PGS1: variants seen among roughly 807,000 people sequenced by gnomAD.
The protein encoded by PGS1 is phosphatidylglycerophosphate synthase 1.
In PGS1, 44 loss-of-function variants were observed where a neutral mutation model predicts 58.3. The observed-to-expected ratio is 0.75, with a 90% CI of 0.59 to 0.97. The LOEUF is 0.97. Among genes scored for constraint, PGS1 ranks in the 50% least tolerant of loss-of-function variants. The probability of loss-of-function intolerance (pLI) is 0.00; values close to 1 mark genes in which losing one functional copy is unlikely to be tolerated. For missense variants in PGS1, 684 were observed against 731.1 expected (o/e 0.94, Z 0.74); for synonymous variants, 330 against 311.0 (o/e 1.06, Z -0.64).
chr17:78,388,957 T>C (rs1038218058), intron 1 of PGS1, among the ~76,000 whole-genome samples: 5 of 151,036 alleles, frequency 3.3e-5, no homozygotes, highest in Admixed American at 2.6e-4. Context: ...GTATGTCATA[T>C]GTGCTTACAT....
intron 8 of PGS1, 23 bp from the exon 9 acceptor site, chr17:78,419,523 T>G (rs1263434863): frequency 1.1e-5 from 17 of 1,609,000 alleles, no homozygotes; most frequent in Non-Finnish European, 1.4e-5. Context: ...TCCTCACTAT[T>G]CCTGTCTGTT....
Position 78,424,053 on chromosome 17 carries a change from G to A in PGS1, c.*11-8G>A, listed in dbSNP as rs762524778. 1.2e-6 allele frequency: 2 copies of A among 1,614,064 alleles called. No individual in the cohort carries two copies. The highest frequency in any genetic ancestry group is 2.7e-5 in the African/African-American group (2 of 75,056). ...CATAGATGTTCTTGGTCTCCATGCGGTCCACAGGAATGGCCTTGATGAAGA... is the reference window on the plus strand; with the variant it reads ...CATAGATGTTCTTGGTCTCCATGCGATCCACAGGAATGGCCTTGATGAAGA... On this transcript the variant is annotated splice_region_variant and splice_polypyrimidine_tract_variant and intron_variant, in intron 9 of 9. Transcript: ENST00000262764.
chr17:78,379,174 T>A (rs1039823440), intron 1 of PGS1, among the ~76,000 whole-genome samples: 4 of 152,208 alleles, frequency 2.6e-5, no homozygotes, highest in African/African-American at 4.8e-5. Context: ...CTCCAGAGGC[T>A]GTTTATATCA....
At chr17:78,383,093 T>C (rs375776204) in intron 1 of PGS1, among the ~76,000 whole-genome samples, 1 of 152,334 alleles carries the variant, frequency 6.6e-6, no homozygotes, top group South Asian at 2.1e-4. Flanking sequence ...TTTTTAAGTT[T>C]TAGCTATACA....
chr17:78,414,699 C>A (rs763628769), intron 7 of PGS1, among the ~76,000 whole-genome samples, 180 bp from the exon 8 acceptor site: 4 of 152,052 alleles, frequency 2.6e-5, no homozygotes, highest in African/African-American at 4.8e-5. Context: ...TGCTTCCTGC[C>A]GCGCCGGGGT....
At chr17:78,386,226 C>T (rs1005602815) in intron 1 of PGS1, among the ~76,000 whole-genome samples, 2 of 152,124 alleles carry the variant, frequency 1.3e-5, no homozygotes, top group African/African-American at 4.8e-5. Context: ...GAGTGGCAGG[C>T]TGAGGATTGT....
chr17:78,419,499 G>A (rs1179707856), intron 8 of PGS1, 47 bp from the exon 9 acceptor site: 1 of 1,546,870 alleles, frequency 6.5e-7, no homozygotes, highest in Non-Finnish European at 8.9e-7. Context: ...ATGTGGTGTG[G>A]TGCTGGAGGG....
chr17:78,401,445 G>A (rs2083655088), intron 6 of PGS1, among the ~76,000 whole-genome samples: 1 of 152,230 alleles, frequency 6.6e-6, no homozygotes, highest in South Asian at 2.1e-4. Context: ...CTGCCCACTG[G>A]AACCAGGCAG....
intron 7 of PGS1, among the ~76,000 whole-genome samples, chr17:78,406,905 A>G (rs1432840501): frequency 6.6e-6 from 1 of 151,926 alleles, no homozygotes; most frequent in Non-Finnish European, 1.5e-5. Flanking sequence ...GTGGCTTCTG[A>G]CTCTGCCACG....
chr17:78,379,485 C>T (rs1435000874), intron 1 of PGS1, among the ~76,000 whole-genome samples: 1 of 152,026 alleles, frequency 6.6e-6, no homozygotes, highest in Non-Finnish European at 1.5e-5. Context: ...TAAACATTTG[C>T]CAAGAACATG....
intron 6 of PGS1, among the ~76,000 whole-genome samples, chr17:78,402,561 C>T (rs1403251838): frequency 6.6e-6 from 1 of 152,128 alleles, no homozygotes; most frequent in African/African-American, 2.4e-5. Context: ...GATTCTCCAG[C>T]CTCAGCTGCC....
At chr17:78,390,067 C>CCCCCCCCCCCCCCCCCCCGCCCCCCT (rs1883308583) in intron 1 of PGS1, among the ~76,000 whole-genome samples, 4 of 143,626 alleles carry the variant, frequency 2.8e-5, no homozygotes, top group South Asian at 2.3e-4. Flanking sequence ...CCTGTTCCCC[C>CCCCCCCCCCCCCCCCCCCGCCCCCCT]GCCCCCGACC....
Position 78,403,738 on chromosome 17 carries a change from A to G in PGS1, c.1051A>G (p.Ile351Val). ...TCGCAGACCAGCCCCTGACACCTGG[A>G]TTTATCCGCTGATTCAGATGAAGCC... is the stretch of plus-strand genomic sequence containing the variant. ...GDRRPAPDTW[I>V]YPLIQMKPFE... Residue 351 changes from isoleucine (I) to valine (V), a missense_variant, in exon 7 of 10, where the codon ATT (isoleucine) becomes GTT (valine). Physicochemically the swap from Ile to Val is conservative, Grantham distance 29. Coordinates refer to ENST00000262764, the MANE Select transcript of PGS1 (RefSeq NM_024419.5). The G allele has an allele frequency of 6.2e-7, 1 of 1,614,184 alleles. No homozygotes were observed. The highest frequency in any genetic ancestry group is 8.5e-7 in the Non-Finnish European group (1 of 1,180,032).
In PGS1 at chr17:78,414,384, C is replaced by T. The variant is rs528206510; in HGVS notation, c.1403-495C>T. Among the ~76,000 whole-genome samples the T allele has an allele frequency of 2.2e-4, 34 of 152,282 alleles. No individual in the cohort carries two copies. In the South Asian group the frequency reaches 6.2e-3, roughly 28 times the overall value. Reference sequence around the variant, plus strand: ...GAGGTGGCTGCTTCTGAGAAGCACGCGTGAGCTGATTCTCAGTGCTCACAG... The same window carrying T: ...GAGGTGGCTGCTTCTGAGAAGCACGTGTGAGCTGATTCTCAGTGCTCACAG... On this transcript the variant is annotated intron_variant, in intron 7 of 9. Transcript: ENST00000262764.
intron 4 of PGS1, 63 bp from the exon 5 acceptor site, chr17:78,399,285 C>T: frequency 7.4e-7 from 1 of 1,353,928 alleles, no homozygotes; most frequent in Non-Finnish European, 1.0e-6. Context: ...GAGGTGGCTC[C>T]TCATTGGGGG....
chr17:78,421,984 G>C (rs761764200), intron 9 of PGS1: 2 of 152,284 alleles, frequency 1.3e-5, no homozygotes, highest in African/African-American at 2.4e-5. Flanking sequence ...GTTCCCCGTC[G>C]CTGGAGTGCA....
At chr17:78,413,624 A>G in intron 7 of PGS1, among the ~76,000 whole-genome samples, 1 of 152,326 alleles carries the variant, frequency 6.6e-6, no homozygotes, top group South Asian at 2.1e-4. Context: ...GGCAGGAAGC[A>G]TTCTTGGTGC....
intron 1 of PGS1, among the ~76,000 whole-genome samples, chr17:78,386,976 T>TGATGATGATGATGATGTTGCAGTTA (rs1258754504): frequency 6.0e-5 from 7 of 116,258 alleles, no homozygotes; most frequent in African/African-American, 2.4e-4. Flanking sequence ...ATGATGATGA[T>TGATGATGATGATGATGTTGCAGTTA]GATGGTGATG....
intron 9 of PGS1, chr17:78,421,567 C>T (rs147117635): frequency 6.6e-6 from 1 of 152,418 alleles, no homozygotes; most frequent in East Asian, 1.9e-4. Context: ...CATCAGTTAA[C>T]ACTGTTTGCC....
Sources: gnomAD v4.1 joint callset for allele counts (sites outside exome capture counted in the v4.1 genomes callset) on GRCh38, gnomAD v4.1.1 for gene constraint, MANE v1.5 for transcripts, NCBI Gene and HGNC (gene_info 2026-07-23, HGNC 2026-07-21) for gene names.